Variants in PTCSC3 observed in about 807,000 individuals in gnomAD.
The protein encoded by PTCSC3 is papillary thyroid carcinoma susceptibility candidate 3.
chr14:36,136,632 A>G (rs937380284), intron 3 of PTCSC3, among the ~76,000 whole-genome samples: 3 of 152,288 alleles, frequency 2.0e-5, no homozygotes, highest in African/African-American at 7.2e-5. Context: ...TTACCCAGTA[A>G]TTATGCTTAT....
intron 3 of PTCSC3, among the ~76,000 whole-genome samples, chr14:36,146,147 G>A (rs1881560327): frequency 2.1e-5 from 3 of 142,360 alleles, no homozygotes; most frequent in Admixed American, 2.1e-4. Flanking sequence ...TGTTGATTTG[G>A]GGTGGAGAGT....
intron 3 of PTCSC3, among the ~76,000 whole-genome samples, chr14:36,149,338 A>G (rs1881670079): frequency 6.6e-6 from 1 of 152,134 alleles, no homozygotes; most frequent in South Asian, 2.1e-4. Context: ...TTGTGGTCTA[A>G]GAGCATACTT....
chr14:36,157,693 G>A (rs1881860059), intron 2 of PTCSC3, among the ~76,000 whole-genome samples: 1 of 152,088 alleles, frequency 6.6e-6, no homozygotes, highest in Non-Finnish European at 1.5e-5. Flanking sequence ...GTAGTGTGAT[G>A]CCCCCAGCTT....
At chr14:36,144,449 G>T (rs2139091175) in intron 3 of PTCSC3, among the ~76,000 whole-genome samples, 1 of 129,480 alleles carries the variant, frequency 7.7e-6, no homozygotes, top group East Asian at 2.3e-4. Context: ...CTCATGATTT[G>T]GCTCTCTGTT....
intron 3 of PTCSC3, among the ~76,000 whole-genome samples, chr14:36,150,904 T>C (rs1258175507): frequency 6.6e-6 from 1 of 151,664 alleles, no homozygotes; most frequent in Non-Finnish European, 1.5e-5. Context: ...CAAACAATTA[T>C]ATATTACATA....
At chr14:36,154,359 A>G (rs979673727) in intron 2 of PTCSC3, among the ~76,000 whole-genome samples, 2 of 151,666 alleles carry the variant, frequency 1.3e-5, no homozygotes, top group Non-Finnish European at 2.9e-5. Context: ...CAGGTTATAT[A>G]ATAATACGTA....
chr14:36,150,868 A>G (rs1379519097), intron 3 of PTCSC3, among the ~76,000 whole-genome samples: 1 of 152,176 alleles, frequency 6.6e-6, no homozygotes, highest in Non-Finnish European at 1.5e-5. Context: ...TTCGGAAGCT[A>G]TATATGTTGT....
chr14:36,142,149 G>A (rs1206471202), intron 3 of PTCSC3, among the ~76,000 whole-genome samples: 1 of 152,130 alleles, frequency 6.6e-6, no homozygotes, highest in Non-Finnish European at 1.5e-5. Context: ...TATGATGTTA[G>A]CTGGAAGTTT....
chr14:36,147,689 G>T (rs1881612487), intron 3 of PTCSC3, among the ~76,000 whole-genome samples: 1 of 151,934 alleles, frequency 6.6e-6, no homozygotes, highest in Non-Finnish European at 1.5e-5. Context: ...GTCCAGCTTT[G>T]TTCCTTTGCT....
intron 2 of PTCSC3, among the ~76,000 whole-genome samples, chr14:36,162,258 G>GGA (rs1295535297): frequency 3.1e-4 from 33 of 106,544 alleles, no homozygotes; most frequent in Admixed American, 2.4e-3. Context: ...CTGGGGTATG[G>GGA]AAAAAAAAAA....
chr14:36,158,714 C>A (rs1019894163), intron 2 of PTCSC3, among the ~76,000 whole-genome samples: 2 of 152,074 alleles, frequency 1.3e-5, no homozygotes, highest in Non-Finnish European at 2.9e-5. Flanking sequence ...CTGAAATTTT[C>A]GTTTTTGGTT....
At position 36,152,816 on chromosome 14, in the gene PTCSC3, C is replaced by T. The variant is rs185804278; in HGVS notation, n.322+988G>A. 3.6e-3 allele frequency among the ~76,000 whole-genome samples: 540 copies of T among 151,626 alleles called. 3 individuals carry two copies. Among genetic ancestry groups the T allele is most frequent in the African/African-American group, 0.012 (492 of 41,296 alleles). ...GGCTGAGGCAGGAGAATTGCTTGAA[C>T]CCAGGAGGTGGAGGTTGCAGTGAGC... On this transcript the variant is annotated intron_variant and non_coding_transcript_variant, in intron 3 of 3. Transcript: ENST00000556013.
chr14:36,167,144 G>A (rs925493560), intron 1 of PTCSC3, among the ~76,000 whole-genome samples: 7 of 152,174 alleles, frequency 4.6e-5, no homozygotes, highest in African/African-American at 1.7e-4. Context: ...TTTAAACCCA[G>A]CAATAGTGAG....
rs368046817 is a variant in PTCSC3 at position 36,171,905 on chromosome 14, CAT to C, written n.171+4391_171+4392del. ...GGGTGTATTTAGCATGTTCTGCAAA[CAT>C]GGGTTATTTAACCTTTCCCATCTGC... On this transcript the variant is annotated intron_variant and non_coding_transcript_variant, in intron 1 of 3. Coordinates refer to ENST00000556013, the Ensembl canonical transcript of PTCSC3. Among the ~76,000 whole-genome samples the C allele has an allele frequency of 1.3e-3, 191 of 152,252 alleles. 2 individuals are homozygous for C. The highest frequency in any genetic ancestry group is 4.5e-3 in the African/African-American group (186 of 41,562).
intron 3 of PTCSC3, among the ~76,000 whole-genome samples, chr14:36,146,221 A>G (rs7494749): frequency 0.59 from 77,381 of 131,446 alleles, 23,331 homozygotes; most frequent in Middle Eastern, 0.68. Context: ...TATCCTTGTT[A>G]ACTTTCTGTC....
intron 2 of PTCSC3, among the ~76,000 whole-genome samples, chr14:36,159,815 A>C (rs1363156570): frequency 6.6e-6 from 1 of 151,044 alleles, no homozygotes; most frequent in African/African-American, 2.4e-5. Context: ...ATTCCTGTCT[A>C]ATATTGACAG....
chr14:36,163,052 C>A (rs1882002795), intron 1 of PTCSC3, among the ~76,000 whole-genome samples: 1 of 150,970 alleles, frequency 6.6e-6, no homozygotes, highest in African/African-American at 2.4e-5. Context: ...AAATCTGAAG[C>A]AAGAGTACTT....
chr14:36,175,957 G>C (rs1451638485), intron 1 of PTCSC3, among the ~76,000 whole-genome samples: 1 of 152,194 alleles, frequency 6.6e-6, no homozygotes, highest in Non-Finnish European at 1.5e-5. Flanking sequence ...ATTCCCATAA[G>C]TGTATTAAAT....
chr14:36,161,706 A>G (rs1456869365), intron 2 of PTCSC3, among the ~76,000 whole-genome samples: 1 of 152,088 alleles, frequency 6.6e-6, no homozygotes, highest in African/African-American at 2.4e-5. Flanking sequence ...GGGGTCAGGG[A>G]CCCATTTGAG....
Sources: gnomAD v4.1 joint callset for allele counts (sites outside exome capture counted in the v4.1 genomes callset) on GRCh38, gnomAD v4.1.1 for gene constraint, MANE v1.5 for transcripts, NCBI Gene and HGNC (gene_info 2026-07-23, HGNC 2026-07-21) for gene names.